The following SLC37A1 variants were observed in gnomAD, a reference collection of about 807,000 sequenced individuals.
SLC37A1 encodes the protein glucose-6-phosphate exchanger SLC37A1.
SLC37A1 carries 49 observed loss-of-function variants against 75.3 expected under a neutral mutation model. The ratio of observed to expected loss-of-function variants is 0.65; its 90% confidence interval spans 0.52 to 0.83. SLC37A1 has a LOEUF of 0.83. SLC37A1 is among the 40% of genes least tolerant of loss of function. The probability of loss-of-function intolerance (pLI) is 0.00; values close to 1 mark genes in which losing one functional copy is unlikely to be tolerated. For synonymous variants in SLC37A1, 268 were observed against 292.1 expected, an observed-to-expected ratio of 0.92 and a Z score of 0.84; for missense variants, 566 against 695.0, an observed-to-expected ratio of 0.81 and a Z score of 2.09.
At chr21:42,527,935 T>C (rs2054843585) in intron 3 of SLC37A1, among the ~76,000 whole-genome samples, 3 of 152,222 alleles carry the variant, frequency 2.0e-5, no homozygotes, top group African/African-American at 7.2e-5. Context: ...GAGCTCATGA[T>C]ATAAATGGCA....
intron 1 of SLC37A1, chr21:42,515,027 A>C (rs1467327576): frequency 2.0e-5 from 3 of 152,252 alleles, no homozygotes; most frequent in Admixed American, 2.0e-4. Context: ...CAGACCTGTG[A>C]TTCACCAAGT....
At chr21:42,570,449 G>A (rs548571691) in intron 17 of SLC37A1, among the ~76,000 whole-genome samples, 3 of 152,226 alleles carry the variant, frequency 2.0e-5, no homozygotes, top group Non-Finnish European at 4.4e-5. Context: ...GGCTTTGAGT[G>A]TATTGGGTGG....
intron 11 of SLC37A1, among the ~76,000 whole-genome samples, chr21:42,561,183 G>A (rs74995205): frequency 0.02 from 3,056 of 152,280 alleles, 103 homozygotes; most frequent in African/African-American, 0.07. Flanking sequence ...GGGTTCCCCC[G>A]GCCCCCATTC....
intron 2 of SLC37A1, among the ~76,000 whole-genome samples, chr21:42,523,545 G>A (rs934676443): frequency 3.9e-5 from 6 of 152,252 alleles, no homozygotes; most frequent in African/African-American, 1.4e-4. Flanking sequence ...TGCCAGAAAG[G>A]ATGGTTTTCA....
At chr21:42,577,411 A>ACC (rs1327890496) in intron 18 of SLC37A1, among the ~76,000 whole-genome samples, 2 of 152,254 alleles carry the variant, frequency 1.3e-5, no homozygotes, top group Admixed American at 6.5e-5. Flanking sequence ...TACTATCTAG[A>ACC]CCTTTACAGA....
At chr21:42,505,023 G>A (rs1419969526) in intron 2 of SLC37A1, among the ~76,000 whole-genome samples, 1 of 152,118 alleles carries the variant, frequency 6.6e-6, no homozygotes, top group African/African-American at 2.4e-5. Context: ...TCCTTAGTCA[G>A]GACACCATCA....
chr21:42,525,777 T>G lies in SLC37A1; in HGVS notation c.58T>G (p.Tyr20Asp), dbSNP rs1397445523. Residue 20 changes from tyrosine (Y) to aspartate (D), a missense_variant and splice_region_variant, in exon 3 of 20, where the codon TAC (tyrosine) becomes GAC (aspartate). By Grantham distance (160) the Tyr-to-Asp change is radical. Transcript: ENST00000352133. The part of the protein sequence containing the change: ...FIISFSRDQW[Y>D]RAFIFILTFL... ...CTCTCCCACTGTTTTGTGTTTCAGG[T>G]ACAGAGCCTTCATTTTTATTTTGAC... 4 of 1,612,976 alleles carry G rather than the reference T, an allele frequency of 2.5e-6. No individual in the cohort carries two copies. The highest frequency in any genetic ancestry group is 3.4e-6 in the Non-Finnish European group (4 of 1,178,944).
chr21:42,571,176 G>A (rs7277490), intron 17 of SLC37A1, among the ~76,000 whole-genome samples: 2,741 of 152,304 alleles, frequency 0.018, 78 homozygotes, highest in African/African-American at 0.062. Context: ...GCTCCAGTGG[G>A]AAGGCCACCA....
At chr21:42,508,012 G>A (rs911416548) in intron 2 of SLC37A1, among the ~76,000 whole-genome samples, 4 of 135,036 alleles carry the variant, frequency 3.0e-5, no homozygotes, top group Non-Finnish European at 6.7e-5. Flanking sequence ...TAGAAGAAAA[G>A]TACCATGTCC....
Position 42,574,919 on chromosome 21 carries a change from A to C in SLC37A1, c.1521+4A>C. 6.2e-7 allele frequency: 1 copy of C among 1,614,064 alleles called. No individual in the cohort carries two copies. The highest frequency in any genetic ancestry group is 8.5e-7 in the Non-Finnish European group (1 of 1,179,954). ...TGCAGATGCCTGTGCCTTACTGGTA[A>C]GTCGGCCTATTTTTAGTCCAATCCA... is the stretch of plus-strand genomic sequence containing the variant. On this transcript the variant is annotated splice_donor_region_variant and intron_variant, in intron 18 of 19. Coordinates refer to ENST00000352133, the MANE Select transcript of SLC37A1 (RefSeq NM_001320537.2).
intron 11 of SLC37A1, among the ~76,000 whole-genome samples, chr21:42,559,540 C>T (rs555674843): frequency 5.9e-5 from 9 of 152,322 alleles, no homozygotes; most frequent in East Asian, 1.9e-4. Flanking sequence ...CTGAGTGCTG[C>T]GCCGTGGCCT....
intron 2 of SLC37A1, 109 bp from the exon 3 acceptor site, chr21:42,525,667 A>G: frequency 1.4e-6 from 1 of 729,710 alleles, no homozygotes; most frequent in Non-Finnish European, 2.4e-6. Flanking sequence ...TGGCTGTAGA[A>G]CTGAATGAAT....
chr21:42,572,222 CCTT>C (rs1451589817), intron 17 of SLC37A1, among the ~76,000 whole-genome samples: 1 of 151,168 alleles, frequency 6.6e-6, no homozygotes. Flanking sequence ...TGCTTTCTGA[CCTT>C]CTCTTTTTTC....
At chr21:42,578,554 G>A (rs2839561) in intron 18 of SLC37A1, among the ~76,000 whole-genome samples, 9,230 of 152,198 alleles carry the variant, frequency 0.061, 958 homozygotes, top group African/African-American at 0.21. Context: ...AGCCTGTGCC[G>A]GTAGTTGGAG....
At chr21:42,529,357 G>A (rs747005061) in intron 3 of SLC37A1, among the ~76,000 whole-genome samples, 1 of 152,044 alleles carries the variant, frequency 6.6e-6, no homozygotes, top group Non-Finnish European at 1.5e-5. Context: ...ATTACCTGAG[G>A]TCAGCAGTTC....
intron 3 of SLC37A1, among the ~76,000 whole-genome samples, chr21:42,533,115 G>A (rs58547031): frequency 5.9e-5 from 9 of 152,074 alleles, no homozygotes; most frequent in Admixed American, 1.3e-4. Context: ...CAGGACTTCC[G>A]GCTGCTGCCT....
chr21:42,548,016 A>G lies in SLC37A1; in HGVS notation c.768+876A>G, dbSNP rs1601724534. On this transcript the variant is annotated intron_variant, in intron 9 of 19. Transcript: ENST00000352133. This position sits in a 1 kb window ranked among gnomAD's most constrained non-coding sequence, Gnocchi z 5.6. Reference sequence around the variant, plus strand: ...GGGCCCGTCGCCCGCGTCTGACCCAATGCTTCCCTCCCTCTGGGGGTCAGC... The same window carrying G: ...GGGCCCGTCGCCCGCGTCTGACCCAGTGCTTCCCTCCCTCTGGGGGTCAGC... Among the ~76,000 whole-genome samples, 2 of 151,940 alleles carry G rather than the reference A, an allele frequency of 1.3e-5. No individual in the cohort carries two copies. Among genetic ancestry groups the G allele is most frequent in the East Asian group, 1.9e-4 (1 of 5,140 alleles).
intron 18 of SLC37A1, among the ~76,000 whole-genome samples, chr21:42,577,908 GGAA>G (rs2056341187): frequency 6.6e-6 from 1 of 152,218 alleles, no homozygotes; most frequent in East Asian, 1.9e-4. Flanking sequence ...TTGCTGCGTT[GGAA>G]GAAAGAGACC....
At chr21:42,508,562 T>C (rs1038109523) in intron 2 of SLC37A1, 2 of 152,238 alleles carry the variant, frequency 1.3e-5, no homozygotes, top group Non-Finnish European at 2.9e-5. Context: ...CTGACCTCAT[T>C]CTACCTATAG....
Sources: gnomAD v4.1 joint callset for allele counts (sites outside exome capture counted in the v4.1 genomes callset) on GRCh38, gnomAD v4.1.1 for gene constraint, Gnocchi (gnomAD v3.1) non-coding constraint, MANE v1.5 for transcripts, NCBI Gene and HGNC (gene_info 2026-07-23, HGNC 2026-07-21) for gene names.